The following SLC35D1 variants were observed in gnomAD, a reference collection of about 807,000 sequenced individuals.
SLC35D1 encodes the protein solute carrier family 35 member D1.
A neutral mutation model predicts 46.7 loss-of-function variants in SLC35D1; 31 were observed. The observed-to-expected ratio is 0.66, with a 90% confidence interval of 0.50 to 0.90. The LOEUF is 0.90. Ranked by LOEUF, SLC35D1 falls within the 40% of genes least tolerant of loss-of-function variation. The probability of loss-of-function intolerance (pLI) is 0.00; values close to 1 mark genes in which losing one functional copy is unlikely to be tolerated. For missense variants in SLC35D1, 397 were observed against 426.2 expected (o/e 0.93, Z 0.60); for synonymous variants, 195 against 164.6 (o/e 1.18, Z -1.41).
At chr1:67,014,929 G>A (rs1272453397) in intron 10 of SLC35D1, among the ~76,000 whole-genome samples, 1 of 150,862 alleles carries the variant, frequency 6.6e-6, no homozygotes, top group African/African-American at 2.4e-5. Context: ...AACTCCTCCA[G>A]GCATTGTGTT....
chr1:67,047,787 A>G (rs1645267336), intron 6 of SLC35D1, among the ~76,000 whole-genome samples: 2 of 152,220 alleles, frequency 1.3e-5, no homozygotes, highest in Admixed American at 1.3e-4. Context: ...AGGTAGGACT[A>G]TCTTGCATAG....
chr1:67,040,997 C>G (rs1481264659), intron 8 of SLC35D1, among the ~76,000 whole-genome samples: 5 of 152,160 alleles, frequency 3.3e-5, no homozygotes, highest in Non-Finnish European at 7.3e-5. Context: ...CTCCACTATT[C>G]CCCAATAGTA....
the SLC35D1 span, among the ~76,000 whole-genome samples, chr1:66,980,833 A>G: frequency 6.6e-4 from 101 of 152,030 alleles, no homozygotes; most frequent in African/African-American, 2.4e-3. Context: ...TAACAGGTAG[A>G]GAATAAATAT....
At chr1:66,989,726 G>C in the SLC35D1 span, among the ~76,000 whole-genome samples, 1 of 152,124 alleles carries the variant, frequency 6.6e-6, no homozygotes, top group South Asian at 2.1e-4. Flanking sequence ...CAGCCTCCCA[G>C]TGTTGGGATT....
chr1:67,040,741 T>C (rs141343684), intron 8 of SLC35D1, among the ~76,000 whole-genome samples: 10 of 152,338 alleles, frequency 6.6e-5, no homozygotes, highest in African/African-American at 1.9e-4. Context: ...CCTAGATTAC[T>C]CTCCCTCCAA....
At chr1:66,986,416 G>T in the SLC35D1 span, 1 of 1,613,066 alleles carries the variant, frequency 6.2e-7, no homozygotes, top group Non-Finnish European at 8.5e-7. Context: ...TACTCCAAAT[G>T]CTTCTTCCAG....
the SLC35D1 span, among the ~76,000 whole-genome samples, chr1:66,976,301 C>T: frequency 2.0e-5 from 3 of 152,150 alleles, no homozygotes; most frequent in African/African-American, 4.8e-5. Flanking sequence ...CGTGCCCGGC[C>T]AACTTCCAAG....
chr1:67,026,419 C>T (rs950790042), intron 8 of SLC35D1, among the ~76,000 whole-genome samples: 3 of 152,022 alleles, frequency 2.0e-5, no homozygotes, highest in African/African-American at 7.2e-5. Context: ...GTACTTTCTC[C>T]CCCCTTGTAA....
the SLC35D1 span, chr1:66,986,507 G>C: frequency 6.9e-7 from 1 of 1,450,852 alleles, no homozygotes; most frequent in Non-Finnish European, 9.6e-7. Context: ...TGGCTCAACT[G>C]TCTGATGTAA....
the SLC35D1 span, chr1:66,985,768 CAT>C: frequency 1.1e-6 from 1 of 919,666 alleles, no homozygotes; most frequent in East Asian, 1.2e-4. Flanking sequence ...GTAATTAAGT[CAT>C]ATTTCTTATC....
chr1:66,986,893 G>T, the SLC35D1 span: 1 of 154,490 alleles, frequency 6.5e-6, no homozygotes, highest in Admixed American at 6.5e-5. Flanking sequence ...AAGATGGTCT[G>T]TAGAAATGTT....
chr1:66,986,508 T>C, the SLC35D1 span: 1 of 1,439,342 alleles, frequency 6.9e-7, no homozygotes, highest in Non-Finnish European at 9.7e-7. Flanking sequence ...GGCTCAACTG[T>C]CTGATGTAAT....
At chr1:67,018,035 A>G (rs994829633) in intron 10 of SLC35D1, among the ~76,000 whole-genome samples, 6 of 152,202 alleles carry the variant, frequency 3.9e-5, no homozygotes, top group Non-Finnish European at 2.9e-5. Context: ...TATTTCTCAC[A>G]GGCCTCTAGA....
intron 10 of SLC35D1, among the ~76,000 whole-genome samples, chr1:67,012,492 C>A (rs1667585958): frequency 7.4e-6 from 1 of 135,732 alleles, no homozygotes; most frequent in African/African-American, 2.7e-5. Context: ...AATAAGTACA[C>A]CATTAAAAAT....
the SLC35D1 span, among the ~76,000 whole-genome samples, chr1:66,979,256 T>C: frequency 6.6e-6 from 1 of 152,236 alleles, no homozygotes; most frequent in Non-Finnish European, 1.5e-5. Context: ...TTACCATCTC[T>C]TTCTGTTAAT....
the SLC35D1 span, chr1:66,987,478 C>A: frequency 6.6e-6 from 1 of 152,614 alleles, no homozygotes; most frequent in African/African-American, 2.4e-5. Context: ...AGTTCAGGAT[C>A]TGCAATTCAG....
the SLC35D1 span, chr1:66,986,565 A>T: frequency 1.0e-6 from 1 of 973,058 alleles, no homozygotes; most frequent in Non-Finnish European, 1.6e-6. Flanking sequence ...CCTTACCCCC[A>T]TGAAGTATTA....
intron 8 of SLC35D1, among the ~76,000 whole-genome samples, chr1:67,033,745 C>G (rs1278131432): frequency 1.3e-5 from 2 of 152,132 alleles, no homozygotes; most frequent in East Asian, 3.8e-4. Context: ...TGGGGTATTA[C>G]TAAGAAATCC....
Position 67,052,985 on chromosome 1 carries a change from GA to G in SLC35D1, c.207del (p.Ser71ProfsTer25). ...VNKSVLTNYR[F>X]PSSLCVGLGQ... is the part of the protein sequence containing the mutation. ...CCAAGTCCAACACATAGTGAGGAGG[GA>G]AATCTACAAAAAGGGCAAAGAAAAA... On this transcript the variant is annotated frameshift_variant, in exon 2 of 12. Coordinates refer to ENST00000235345, the MANE Select transcript of SLC35D1 (RefSeq NM_015139.3). LOFTEE classifies it high-confidence loss of function. 1 of 1,613,882 alleles carries G rather than the reference GA, an allele frequency of 6.2e-7. No homozygotes were observed. Among genetic ancestry groups the G allele is most frequent in the South Asian group, 1.1e-5 (1 of 91,086 alleles).
Sources: allele counts gnomAD v4.1 joint callset (sites outside exome capture counted in the v4.1 genomes callset), GRCh38; gene constraint gnomAD v4.1.1; transcripts MANE v1.5; gene names NCBI Gene and HGNC (gene_info 2026-07-23, HGNC 2026-07-21).